The following DNAH11 variants were observed in gnomAD, a reference collection of about 807,000 sequenced individuals.
The protein encoded by DNAH11 is dynein axonemal heavy chain 11.
A neutral mutation model predicts 526.0 loss-of-function variants in DNAH11; 442 were observed. That is an observed-to-expected ratio of 0.84 (90% CI 0.78 to 0.91). DNAH11 has a LOEUF of 0.91. Among genes scored for constraint, DNAH11 ranks in the 40% least tolerant of loss-of-function variants. The probability of loss-of-function intolerance (pLI) is 0.00; values close to 1 mark genes in which losing one functional copy is unlikely to be tolerated. For synonymous variants in DNAH11, 2,461 were observed against 1,935.9 expected (o/e 1.27, Z -7.12); for missense variants, 6,989 against 5,448.7 (o/e 1.28, Z -8.90).
chr7:21,616,386 A>G (rs553116147), intron 22 of DNAH11, 94 bp downstream of exon 22: 11 of 963,364 alleles, frequency 1.1e-5, no homozygotes, highest in Non-Finnish European at 1.7e-5. Flanking sequence ...ATTGGGCTGC[A>G]TGTACTTATT....
At chr7:21,691,563 A>T (rs1251141905) in intron 35 of DNAH11, among the ~76,000 whole-genome samples, 1 of 152,240 alleles carries the variant, frequency 6.6e-6, no homozygotes, top group Non-Finnish European at 1.5e-5. Flanking sequence ...TGGAAAATAT[A>T]GAAAAGAATA....
At chr7:21,741,856 A>C in intron 48 of DNAH11, 71 bp from the exon 49 acceptor site, 2 of 1,548,852 alleles carry the variant, frequency 1.3e-6, no homozygotes, top group Non-Finnish European at 1.7e-6. Flanking sequence ...AGGAGTGAAA[A>C]AAAATCAGGT....
chr7:21,729,072 C>A (rs1487146100), intron 45 of DNAH11, among the ~76,000 whole-genome samples: 1 of 152,234 alleles, frequency 6.6e-6, no homozygotes, highest in African/African-American at 2.4e-5. Context: ...GCCTCATCTC[C>A]CTGATCTGTA....
chr7:21,698,130 G>A lies in DNAH11; in HGVS notation c.6097G>A (p.Ala2033Thr), dbSNP rs1257786764. 1.2e-6 allele frequency: 2 copies of A among 1,613,618 alleles called. No individual in the cohort carries two copies. Among genetic ancestry groups the A allele is most frequent in the South Asian group, 2.2e-5 (2 of 91,050 alleles). The change falls in exon 36 of 82, where the codon GCT becomes ACT. Residue 2033 changes from alanine (A) to threonine (T), a missense_variant. Coordinates refer to ENST00000409508, the MANE Select transcript of DNAH11 (RefSeq NM_001277115.2). The part of the protein sequence containing the change: ...IELICEILLV[A>T]EGFVDARALA... Reference sequence around the variant, plus strand: ...GCTAATCTGTGAAATCTTGTTAGTTGCTGAAGGTTTTGTGGATGCGCGTGC... The same window carrying A: ...GCTAATCTGTGAAATCTTGTTAGTTACTGAAGGTTTTGTGGATGCGCGTGC...
chr7:21,544,595 A>T (rs1782737219), intron 1 of DNAH11, among the ~76,000 whole-genome samples: 1 of 152,228 alleles, frequency 6.6e-6, no homozygotes, highest in South Asian at 2.1e-4. Flanking sequence ...TAGAAATACA[A>T]ATTAACCTCT....
At chr7:21,644,984 T>A (rs1787287035) in intron 28 of DNAH11, among the ~76,000 whole-genome samples, 1 of 152,242 alleles carries the variant, frequency 6.6e-6, no homozygotes, top group South Asian at 2.1e-4. Flanking sequence ...CACAATTTTT[T>A]CTTCATTTTG....
intron 58 of DNAH11, among the ~76,000 whole-genome samples, chr7:21,785,949 CAT>C (rs1283408918): frequency 6.6e-6 from 1 of 152,140 alleles, no homozygotes; most frequent in Non-Finnish European, 1.5e-5. Context: ...TTTTTCAAAT[CAT>C]GTATTAAATA....
chr7:21,827,318 C>T (rs1790346045), intron 65 of DNAH11, among the ~76,000 whole-genome samples: 1 of 152,192 alleles, frequency 6.6e-6, no homozygotes, highest in African/African-American at 2.4e-5. Flanking sequence ...GTAATTTTTC[C>T]AAAGCAAATT....
chr7:21,710,695 G>A lies in DNAH11; in HGVS notation c.6826G>A (p.Asp2276Asn). The A allele has an allele frequency of 1.2e-6, 2 of 1,611,256 alleles. No homozygotes were observed. Among genetic ancestry groups the A allele is most frequent in the Non-Finnish European group, 1.7e-6 (2 of 1,178,706 alleles). Reference protein sequence around the residue: ...WIESLNTVMDDNKVLTLASNE... With the variant: ...WIESLNTVMDNNKVLTLASNE... Reference sequence around the variant, plus strand: ...TGAATCACTGAATACTGTAATGGATGATAACAAGGTGAATAAAACCTCTGT... The same window carrying A: ...TGAATCACTGAATACTGTAATGGATAATAACAAGGTGAATAAAACCTCTGT... The change falls in exon 41 of 82, where the codon GAT becomes AAT. Residue 2276 changes from aspartate to asparagine, a missense_variant. Physicochemically the swap from Asp to Asn is conservative, Grantham distance 23. Coordinates refer to ENST00000409508, the MANE Select transcript of DNAH11 (RefSeq NM_001277115.2).
At chr7:21,647,434 T>G (rs942817927) in intron 28 of DNAH11, among the ~76,000 whole-genome samples, 1 of 147,570 alleles carries the variant, frequency 6.8e-6, no homozygotes, top group East Asian at 2.0e-4. Context: ...TTTCTTTTTT[T>G]TTTTTTTTTT....
At chr7:21,806,856 A>G (rs918012516) in intron 62 of DNAH11, among the ~76,000 whole-genome samples, 1 of 152,180 alleles carries the variant, frequency 6.6e-6, no homozygotes, top group African/African-American at 2.4e-5. Flanking sequence ...CAGATTTTAA[A>G]TGGCCATCCA....
chr7:21,735,268 A>G (rs556462471), intron 45 of DNAH11, among the ~76,000 whole-genome samples: 1 of 152,164 alleles, frequency 6.6e-6, no homozygotes, highest in Non-Finnish European at 1.5e-5. Context: ...AATGTTGTAG[A>G]TAGTTTCTTA....
intron 72 of DNAH11, 147 bp from the exon 73 acceptor site, chr7:21,868,717 A>G: frequency 9.9e-7 from 1 of 1,014,172 alleles, no homozygotes; most frequent in South Asian, 1.7e-5. Context: ...GCTTGTGGAT[A>G]CAACAGAAGT....
chr7:21,589,064 A>G (rs1562682727), intron 11 of DNAH11, 144 bp from the exon 12 acceptor site: 2 of 573,458 alleles, frequency 3.5e-6, no homozygotes, highest in East Asian at 3.4e-5. Flanking sequence ...AAAGCAATTA[A>G]TACGCACATA....
chr7:21,694,052 C>G (rs1783743645), intron 35 of DNAH11, among the ~76,000 whole-genome samples: 1 of 152,196 alleles, frequency 6.6e-6, no homozygotes, highest in African/African-American at 2.4e-5. Context: ...TGGGGAAAAT[C>G]TGCTCCCATG....
chr7:21,762,551 G>A (rs1786968872), intron 54 of DNAH11, among the ~76,000 whole-genome samples: 1 of 152,114 alleles, frequency 6.6e-6, no homozygotes, highest in Non-Finnish European at 1.5e-5. Context: ...AGAAACCCAA[G>A]AATTGAGATA....
At position 21,619,159 on chromosome 7, in the gene DNAH11, C is replaced by A. The variant is rs1463584190; in HGVS notation, c.4314C>A (p.His1438Gln). Residue 1438 changes from histidine (H) to glutamine (Q), a missense_variant, in exon 24 of 82, where the codon CAC becomes CAA. By Grantham distance (24) the His-to-Gln change is conservative. Coordinates refer to ENST00000409508, the MANE Select transcript of DNAH11 (RefSeq NM_001277115.2). ...CAGATTTGTTAGCACTGCGGTTACA[C>A]AGAGTGGAAGATGATGTCCGAAGGA... ...TLADLLALRL[H>Q]RVEDDVRRIV... The A allele has an allele frequency of 1.2e-5, 20 of 1,613,520 alleles. No individual in the cohort carries two copies. The highest frequency in any genetic ancestry group is 1.7e-4 in the Middle Eastern group (1 of 6,060).
At chr7:21,693,491 T>C (rs1037729219) in intron 35 of DNAH11, among the ~76,000 whole-genome samples, 1 of 152,228 alleles carries the variant, frequency 6.6e-6, no homozygotes, top group African/African-American at 2.4e-5. Context: ...ATGAAGTAAG[T>C]TGACAAGTGT....
intron 30 of DNAH11, among the ~76,000 whole-genome samples, chr7:21,679,699 G>A (rs1200283728): frequency 6.6e-6 from 1 of 152,154 alleles, no homozygotes; most frequent in African/African-American, 2.4e-5. Context: ...TCTCAGACCT[G>A]AAGGGATGGG....
Sources: allele counts gnomAD v4.1 joint callset (sites outside exome capture counted in the v4.1 genomes callset), GRCh38; gene constraint gnomAD v4.1.1; transcripts MANE v1.5; gene names NCBI Gene and HGNC (gene_info 2026-07-23, HGNC 2026-07-21).